PELI2: variants seen among roughly 807,000 people sequenced by gnomAD.
The protein encoded by PELI2 is E3 ubiquitin-protein ligase pellino homolog 2.
Under a neutral mutation model 42.3 loss-of-function variants are expected in PELI2, and 23 were observed. The observed-to-expected ratio is 0.54, with a 90% CI of 0.39 to 0.77. The LOEUF is 0.77. Ranked by LOEUF, PELI2 falls within the 30% of genes least tolerant of loss-of-function variation. PELI2 has a pLI of 0.00. For missense variants in PELI2, 463 were observed against 553.2 expected (o/e 0.84, Z 1.64); for synonymous variants, 245 against 212.2 (o/e 1.15, Z -1.34).
intron 1 of PELI2, among the ~76,000 whole-genome samples, chr14:56,145,508 C>T (rs1263832673): frequency 6.6e-6 from 1 of 152,196 alleles, no homozygotes; most frequent in Admixed American, 6.5e-5. Context: ...TGCTTTCCCT[C>T]CCTTCCCCAC....
intron 2 of PELI2, among the ~76,000 whole-genome samples, chr14:56,257,084 G>A (rs1438203239): frequency 6.6e-6 from 1 of 152,018 alleles, no homozygotes; most frequent in African/African-American, 2.4e-5. Flanking sequence ...AGTATATAGT[G>A]GGCATCAAGG....
intron 1 of PELI2, among the ~76,000 whole-genome samples, chr14:56,156,200 GT>G (rs1176349809): frequency 2.6e-5 from 4 of 152,134 alleles, no homozygotes; most frequent in African/African-American, 9.7e-5. Context: ...TTTGGAAGTT[GT>G]TTATAGATTG....
At chr14:56,196,921 C>T (rs1203977048) in intron 2 of PELI2, among the ~76,000 whole-genome samples, 1 of 152,080 alleles carries the variant, frequency 6.6e-6, no homozygotes, top group Non-Finnish European at 1.5e-5. Flanking sequence ...CTCACTTAAG[C>T]TTTATAAGTT....
chr14:56,234,342 G>A (rs987621128), intron 2 of PELI2, among the ~76,000 whole-genome samples: 2 of 152,260 alleles, frequency 1.3e-5, no homozygotes, highest in African/African-American at 4.8e-5. Context: ...CAAAGACCTG[G>A]AACCAGCCCA....
chr14:56,290,414 C>T lies in PELI2; in HGVS notation c.654C>T (p.Tyr218=). The T allele has an allele frequency of 1.2e-6, 2 of 1,611,236 alleles. No homozygotes were observed. Among genetic ancestry groups the T allele is most frequent in the African/African-American group, 1.3e-5 (1 of 74,972 alleles). The change falls in exon 5 of 6, where the codon TAC becomes TAT. Residue 218 remains tyrosine (Y), a synonymous_variant. Coordinates refer to ENST00000267460, the MANE Select transcript of PELI2 (RefSeq NM_021255.3). ...AGATCTCTGTCTGTGGAGATGTGTA[C>T]ACCTTGCGAGAAACCAGGTCGGCCC... is the stretch of plus-strand genomic sequence containing the variant. ...WREISVCGDV[Y]TLRETRSAQQ... is the part of the protein sequence containing the mutation.
At position 56,297,958 on chromosome 14, in the gene PELI2, A is replaced by G. The variant is rs1359523152; in HGVS notation, c.*792A>G. On this transcript the variant is annotated 3_prime_UTR_variant, in exon 6 of 6. Transcript: ENST00000267460. ...GATTAAAATACATCAGCTCTTAAAA[A>G]CTCATTAACTGAGGGTAATTACAGT... is the stretch of plus-strand genomic sequence containing the variant. 6.6e-6 allele frequency: 1 copy of G among 151,350 alleles called. No homozygotes were observed. The highest frequency in any genetic ancestry group is 1.5e-5 in the Non-Finnish European group (1 of 67,862). The allele number at this position is 151,350 out of a possible 1,614,324, so 9.4% of individuals were successfully genotyped here. A position where few individuals can be genotyped will look rare whatever the true frequency, so the allele number is the denominator to read the frequency against.
At chr14:56,133,994 G>A (rs1240287468) in intron 1 of PELI2, among the ~76,000 whole-genome samples, 1 of 152,022 alleles carries the variant, frequency 6.6e-6, no homozygotes, top group Admixed American at 6.5e-5. Flanking sequence ...CTTTAAAATA[G>A]GTACTTAGCT....
At position 56,275,927 on chromosome 14, in the gene PELI2, A is replaced by G. The variant is rs182300392; in HGVS notation, c.208-3749A>G. On this transcript the variant is annotated intron_variant, in intron 2 of 5. Transcript: ENST00000267460. ...AAGTTATAGTGAATGCCAAGAAAAGACCCTACCTGCTCTCCTTTCTGATAT... is the reference window on the plus strand; with the variant it reads ...AAGTTATAGTGAATGCCAAGAAAAGGCCCTACCTGCTCTCCTTTCTGATAT... 2.0e-5 allele frequency among the ~76,000 whole-genome samples: 3 copies of G among 152,208 alleles called. 1 individual carries two copies. In the East Asian group the frequency reaches 5.8e-4, roughly 29 times the overall value.
chr14:56,226,075 G>GAA (rs34366845), intron 2 of PELI2, among the ~76,000 whole-genome samples: 76 of 149,296 alleles, frequency 5.1e-4, no homozygotes, highest in Admixed American at 8.0e-4. Flanking sequence ...TACCAAACAG[G>GAA]AAAAAAAAAA....
At chr14:56,226,939 A>T in intron 2 of PELI2, among the ~76,000 whole-genome samples, 1 of 152,216 alleles carries the variant, frequency 6.6e-6, no homozygotes, top group East Asian at 1.9e-4. Context: ...TTTTTACTTT[A>T]TGAAATACTC....
chr14:56,119,929 T>G (rs1883002013), intron 1 of PELI2: 2 of 732,956 alleles, frequency 2.7e-6, no homozygotes, highest in Non-Finnish European at 3.3e-6. Context: ...CAAAACGTGT[T>G]TTGATAAGTG....
chr14:56,270,137 A>G (rs923083626), intron 2 of PELI2, among the ~76,000 whole-genome samples: 1 of 152,172 alleles, frequency 6.6e-6, no homozygotes, highest in Non-Finnish European at 1.5e-5. Context: ...CAGTAAACCA[A>G]TCCAGGATGG....
intron 2 of PELI2, among the ~76,000 whole-genome samples, chr14:56,210,421 A>G (rs1360621097): frequency 6.6e-6 from 1 of 152,086 alleles, no homozygotes; most frequent in Non-Finnish European, 1.5e-5. Context: ...AGCCTTTTAG[A>G]ATGATTTTGG....
At chr14:56,123,874 A>G (rs1013125569) in intron 1 of PELI2, among the ~76,000 whole-genome samples, 2 of 152,250 alleles carry the variant, frequency 1.3e-5, no homozygotes, top group African/African-American at 4.8e-5. Context: ...CACTGGTTTT[A>G]TATCTGCTGT....
chr14:56,140,428 A>G (rs1313078849), intron 1 of PELI2, among the ~76,000 whole-genome samples: 1 of 152,228 alleles, frequency 6.6e-6, no homozygotes, highest in Non-Finnish European at 1.5e-5. Flanking sequence ...AGATACAACA[A>G]TAATGTCTCC....
intron 1 of PELI2, among the ~76,000 whole-genome samples, chr14:56,159,573 G>A (rs1233737045): frequency 6.6e-6 from 1 of 151,758 alleles, no homozygotes. Flanking sequence ...GCTACACTTT[G>A]TTTTTTTCTC....
intron 1 of PELI2, among the ~76,000 whole-genome samples, chr14:56,129,997 G>A (rs1286132162): frequency 6.6e-6 from 1 of 152,122 alleles, no homozygotes; most frequent in East Asian, 1.9e-4. Context: ...GAATTGAAGT[G>A]GAGGTCCCTG....
chr14:56,119,664 G>T (rs983711392), intron 1 of PELI2: 21 of 562,014 alleles, frequency 3.7e-5, no homozygotes, highest in Non-Finnish European at 4.7e-5. Context: ...GAGAGGCTTT[G>T]CGGGCTTAAA....
At chr14:56,201,138 GTC>G (rs1169838214) in intron 2 of PELI2, among the ~76,000 whole-genome samples, 1 of 152,148 alleles carries the variant, frequency 6.6e-6, no homozygotes, top group African/African-American at 2.4e-5. Flanking sequence ...AATGTTCACT[GTC>G]TCTGAGCTTT....
Sources: gnomAD v4.1 joint callset for allele counts (sites outside exome capture counted in the v4.1 genomes callset) on GRCh38, gnomAD v4.1.1 for gene constraint, MANE v1.5 for transcripts, NCBI Gene and HGNC (gene_info 2026-07-23, HGNC 2026-07-21) for gene names.